The following TNFRSF1B variants were observed in gnomAD, a reference collection of about 807,000 sequenced individuals.
The protein encoded by TNFRSF1B is tumor necrosis factor receptor superfamily member 1B.
In TNFRSF1B, 19 loss-of-function variants were observed where a neutral mutation model predicts 44.6. That is an observed-to-expected ratio of 0.43 (90% CI 0.30 to 0.62). The LOEUF is 0.62. Ranked by LOEUF, TNFRSF1B falls within the 20% of genes least tolerant of loss-of-function variation. TNFRSF1B has a pLI of 0.16. For synonymous variants in TNFRSF1B, 252 were observed against 261.1 expected, an observed-to-expected ratio of 0.97 and a Z score of 0.34; for missense variants, 541 against 619.9, an observed-to-expected ratio of 0.87 and a Z score of 1.35.
At chr1:12,188,020 G>A (rs1472730558) in intron 1 of TNFRSF1B, among the ~76,000 whole-genome samples, 1 of 152,180 alleles carries the variant, frequency 6.6e-6, no homozygotes, top group Non-Finnish European at 1.5e-5. Context: ...CAGCAGAAAC[G>A]CTTAGAACAG....
rs1553165112 is a variant in TNFRSF1B, at chr1:12,198,695, T to TTTTTTTTTTTTG, written c.901-3261_901-3260insGTTTTTTTTTTT. On this transcript the variant is annotated intron_variant, in intron 8 of 9. Transcript: ENST00000376259. ...TGGCTGGCTGGCTGGAATTCTGTTT[T>TTTTTTTTTTTTG]TTTTTTTTTTTTTGAGAAAGAGTCT... Among the ~76,000 whole-genome samples, 15 of 135,156 alleles carry TTTTTTTTTTTTG rather than the reference T, an allele frequency of 1.1e-4. 2 individuals are homozygous for TTTTTTTTTTTTG. Among genetic ancestry groups the TTTTTTTTTTTTG allele is most frequent in the Non-Finnish European group, 2.1e-4 (13 of 62,640 alleles). 88.7% of individuals were successfully genotyped at this position (135,156 alleles called of 152,430 possible).
Position 12,168,835 on chromosome 1 carries a change from C to T in TNFRSF1B, c.78+1666C>T, listed in dbSNP as rs1231964271. The stretch of plus-strand genomic sequence containing the variant: ...TCCCGCTGATCCTTGGCAGAGAGAC[C>T]CTTCTCAAGCATGAGGCACCTCTCT... On this transcript the variant is annotated intron_variant, in intron 1 of 9. Coordinates refer to ENST00000376259, the MANE Select transcript of TNFRSF1B (RefSeq NM_001066.3). This position sits in a 1 kb window ranked among gnomAD's most constrained non-coding sequence, Gnocchi z 4.7. Among the ~76,000 whole-genome samples, 1 of 152,144 alleles carries T rather than the reference C, an allele frequency of 6.6e-6. No individual in the cohort carries two copies. The highest frequency in any genetic ancestry group is 2.4e-5 in the African/African-American group (1 of 41,416).
Position 12,192,920 on chromosome 1 carries a change from G to A in TNFRSF1B, c.609G>A (p.Thr203=), listed in dbSNP as rs761331191. 8.1e-6 allele frequency: 13 copies of A among 1,613,928 alleles called. No individual in the cohort carries two copies. Among genetic ancestry groups the A allele is most frequent in the Middle Eastern group, 1.6e-4 (1 of 6,084 alleles). ...GCATGGATGCAGTCTGCACGTCCAC[G>A]TCCCCCACCCGGAGTATGGCCCCAG... ...NASMDAVCTS[T]SPTRSMAPGA... The change falls in exon 6 of 10, where the codon ACG becomes ACA. Residue 203 remains threonine, a synonymous_variant. Coordinates refer to ENST00000376259, the MANE Select transcript of TNFRSF1B (RefSeq NM_001066.3).
Position 12,183,748 on chromosome 1 carries a change from T to TCTATCTATCTAGCTAG in TNFRSF1B, c.79-5045_79-5044insTCTATCTAGCTAGCTA, listed in dbSNP as rs1279334157. ...ATCTATCTATCTATCTATCTATCTA[T>TCTATCTATCTAGCTAG]CTAGCTAGCTAGCTAGCTAGCTATC... On this transcript the variant is annotated intron_variant, in intron 1 of 9. Transcript: ENST00000376259. Among the ~76,000 whole-genome samples the TCTATCTATCTAGCTAG allele has an allele frequency of 1.7e-3, 201 of 117,020 alleles. 8 individuals carry two copies. Among genetic ancestry groups the TCTATCTATCTAGCTAG allele is most frequent in the Admixed American group, 3.4e-3 (43 of 12,686 alleles). 76.8% of individuals were successfully genotyped at this position (117,020 alleles called of 152,430 possible).
intron 9 of TNFRSF1B, among the ~76,000 whole-genome samples, chr1:12,206,168 C>G (rs933245016): frequency 2.0e-5 from 3 of 152,066 alleles, no homozygotes; most frequent in African/African-American, 7.2e-5. Context: ...TAGGCAGATT[C>G]TTTGAGGTCA....
rs1186978397 is a variant in TNFRSF1B, at chr1:12,171,959, G to A, written c.78+4790G>A. On this transcript the variant is annotated intron_variant, in intron 1 of 9. Transcript: ENST00000376259. This position sits in a 1 kb window ranked among gnomAD's most constrained non-coding sequence, Gnocchi z 4.5. ...TTGAAAAGTCAGTGGTGGCAGGGTG[G>A]GGTTCTGTTTGCCTCCATCTCTTGG... is the stretch of plus-strand genomic sequence containing the variant. 6.6e-6 allele frequency among the ~76,000 whole-genome samples: 1 copy of A among 152,166 alleles called. No individual in the cohort carries two copies. The highest frequency in any genetic ancestry group is 2.4e-5 in the African/African-American group (1 of 41,432).
intron 1 of TNFRSF1B, among the ~76,000 whole-genome samples, chr1:12,179,145 A>G (rs1638732102): frequency 6.6e-6 from 1 of 152,148 alleles, no homozygotes; most frequent in African/African-American, 2.4e-5. Context: ...CAAGAACCGG[A>G]TACCAGCCCA....
intron 3 of TNFRSF1B, 23 bp from the exon 4 acceptor site, chr1:12,191,751 T>A (rs653667): frequency 2.5e-6 from 4 of 1,611,482 alleles, no homozygotes; most frequent in Non-Finnish European, 3.4e-6. Flanking sequence ...GCGTGACCGT[T>A]TGCCGCCCTC....
chr1:12,182,323 C>T (rs1005780515), intron 1 of TNFRSF1B, among the ~76,000 whole-genome samples: 2 of 152,222 alleles, frequency 1.3e-5, no homozygotes, highest in African/African-American at 4.8e-5. Flanking sequence ...CCCACCCGCT[C>T]TGGGCCCACT....
At chr1:12,170,024 G>A (rs17883094) in intron 1 of TNFRSF1B, among the ~76,000 whole-genome samples, 4,093 of 152,284 alleles carry the variant, frequency 0.027, 72 homozygotes, top group African/African-American at 0.047. Context: ...CTGGCCCTGG[G>A]GGCTCTTCCC....
rs1013148731 is a variant in TNFRSF1B at position 12,180,128 on chromosome 1, G to A, written c.79-8668G>A. ...GTACGGCATCTAAAAGGGATCTCCG[G>A]AACATTGAAAAGCCATGAAGGCCGG... On this transcript the variant is annotated intron_variant, in intron 1 of 9. Coordinates refer to ENST00000376259, the MANE Select transcript of TNFRSF1B (RefSeq NM_001066.3). This position sits in a 1 kb window ranked among gnomAD's most constrained non-coding sequence, Gnocchi z 4.3. Among the ~76,000 whole-genome samples the A allele has an allele frequency of 4.6e-5, 7 of 152,042 alleles. No homozygotes were observed. The highest frequency in any genetic ancestry group is 1.7e-4 in the African/African-American group (7 of 41,400).
chr1:12,192,250 GTGTGTGTGCATGTGTGTACAGGCATC>G (rs1410001063), intron 4 of TNFRSF1B, 155 bp from the exon 5 acceptor site: 9 of 714,666 alleles, frequency 1.3e-5, no homozygotes, highest in South Asian at 1.0e-4. Flanking sequence ...ACAGGAATCT[GTGTGTGTGCATGTGTGTACAGGCATC>G]TGTGTGTGTG....
intron 4 of TNFRSF1B, 73 bp downstream of exon 4, chr1:12,191,996 G>A (rs954263552): frequency 9.7e-6 from 15 of 1,542,434 alleles, no homozygotes; most frequent in Non-Finnish European, 1.3e-5. Context: ...CAGTGTCACG[G>A]GCATCAACCC....
intron 1 of TNFRSF1B, among the ~76,000 whole-genome samples, chr1:12,174,141 T>G (rs1294100531): frequency 1.2e-5 from 1 of 80,318 alleles, no homozygotes; most frequent in Non-Finnish European, 2.4e-5. Context: ...CTTCTTCTTC[T>G]TCTTCTTCTT....
chr1:12,191,109 G>T lies in TNFRSF1B; in HGVS notation c.307+24G>T, dbSNP rs754081803. 4 of 1,610,190 alleles carry T rather than the reference G, an allele frequency of 2.5e-6. No homozygotes were observed. The African/African-American group carries it at 5.3e-5, about 22-fold the overall frequency. On this transcript the variant is annotated intron_variant, in intron 3 of 9. Transcript: ENST00000376259. The stretch of plus-strand genomic sequence containing the variant: ...TGGTGAGTAGGTTCAGAGAAAAAGG[G>T]GGCCCTTACACCCCTGCCTCCAACT...
chr1:12,172,467 T>C (rs1018504212), intron 1 of TNFRSF1B, among the ~76,000 whole-genome samples: 18 of 152,218 alleles, frequency 1.2e-4, no homozygotes, highest in Non-Finnish European at 2.4e-4. Flanking sequence ...ATTTGAGCCA[T>C]TGGTGGCTTT....
chr1:12,170,866 G>A (rs2101075009), intron 1 of TNFRSF1B, among the ~76,000 whole-genome samples: 1 of 151,810 alleles, frequency 6.6e-6, no homozygotes, highest in South Asian at 2.1e-4. Context: ...AGTAGAGTCG[G>A]GGTTTCACCA....
Position 12,207,139 on chromosome 1 carries a change from C to A in TNFRSF1B, c.*119C>A. On this transcript the variant is annotated 3_prime_UTR_variant, in exon 10 of 10. Coordinates refer to ENST00000376259, the MANE Select transcript of TNFRSF1B (RefSeq NM_001066.3). ...CTAGGACTCTGAGGCTCTTTCTGGG[C>A]CAAGTTCCTCTAGTGCCCTCCACAG... 1 of 1,143,338 alleles carries A rather than the reference C, an allele frequency of 8.7e-7. No homozygotes were observed. Among genetic ancestry groups the A allele is most frequent in the Non-Finnish European group, 1.2e-6 (1 of 843,344 alleles). The allele number at this position is 1,143,338 out of a possible 1,614,324, so 70.8% of individuals were successfully genotyped here. A position where few individuals can be genotyped will look rare whatever the true frequency, so the allele number is the denominator to read the frequency against.
chr1:12,170,833 AT>A lies in TNFRSF1B; in HGVS notation c.78+3678del, dbSNP rs573543767. Among the ~76,000 whole-genome samples, 985 of 140,668 alleles carry A rather than the reference AT, an allele frequency of 7.0e-3. 1 individual carries two copies. Among genetic ancestry groups the A allele is most frequent in the African/African-American group, 0.015 (580 of 38,370 alleles). 92.3% of individuals were successfully genotyped at this position (140,668 alleles called of 152,430 possible). On this transcript the variant is annotated intron_variant, in intron 1 of 9. Transcript: ENST00000376259. The stretch of plus-strand genomic sequence containing the variant: ...AGGCATGCACCACCATGCCCAACTA[AT>A]TTTTTTTTTTTTTGTATTTTTAGTA...
Sources: gnomAD v4.1 joint callset for allele counts (sites outside exome capture counted in the v4.1 genomes callset) on GRCh38, gnomAD v4.1.1 for gene constraint, Gnocchi (gnomAD v3.1) non-coding constraint, MANE v1.5 for transcripts, NCBI Gene and HGNC (gene_info 2026-07-23, HGNC 2026-07-21) for gene names.